CACNA1C: variants seen among roughly 807,000 people sequenced by gnomAD.
CACNA1C encodes the protein voltage-dependent L-type calcium channel subunit alpha-1C.
A neutral mutation model predicts 229.0 loss-of-function variants in CACNA1C; 30 were observed. The observed-to-expected ratio is 0.13, with a 90% CI of 0.10 to 0.18. CACNA1C has a LOEUF of 0.18. Ranked by LOEUF, CACNA1C falls within the 10% of genes least tolerant of loss-of-function variation. The pLI, the probability that CACNA1C is intolerant of heterozygous loss-of-function variation, is 1.00. For missense variants in CACNA1C, 1,658 were observed against 2,845.0 expected (o/e 0.58, Z 9.49); for synonymous variants, 1,114 against 1,132.5 (o/e 0.98, Z 0.33).
intron 3 of CACNA1C, among the ~76,000 whole-genome samples, chr12:2,187,796 C>T (rs1183480829): frequency 6.6e-6 from 1 of 152,226 alleles, no homozygotes; most frequent in African/African-American, 2.4e-5. Context: ...CTCGGTGACC[C>T]CTCCTGGTGC....
intron 30 of CACNA1C, among the ~76,000 whole-genome samples, chr12:2,643,255 G>A (rs774683076): frequency 1.3e-5 from 2 of 152,222 alleles, no homozygotes; most frequent in Admixed American, 6.5e-5. Flanking sequence ...TCCGACCTGG[G>A]GGTGGTGGCC....
In CACNA1C at chr12:2,566,747, C is replaced by T. The variant is rs958461439; in HGVS notation, c.1669+165C>T. Reference sequence around the variant, plus strand: ...CACCAAGGGCCTGGCAGTTCCAAAGCCCCACAATAAAATGCGCTACCTTGT... The same window carrying T: ...CACCAAGGGCCTGGCAGTTCCAAAGTCCCACAATAAAATGCGCTACCTTGT... On this transcript the variant is annotated intron_variant, in intron 12 of 46. Coordinates refer to ENST00000399655, the MANE Select transcript of CACNA1C (RefSeq NM_000719.7). The surrounding 1 kb of genome is among the most constrained non-coding windows in gnomAD (Gnocchi z 4.0). 6.6e-6 allele frequency among the ~76,000 whole-genome samples: 1 copy of T among 152,150 alleles called. No individual in the cohort carries two copies. Among genetic ancestry groups the T allele is most frequent in the Non-Finnish European group, 1.5e-5 (1 of 68,036 alleles).
chr12:2,577,459 A>G (rs1381242476), intron 13 of CACNA1C, among the ~76,000 whole-genome samples: 1 of 152,222 alleles, frequency 6.6e-6, no homozygotes, highest in Non-Finnish European at 1.5e-5. Context: ...ATATTGATAC[A>G]TATTAGTTTG....
intron 3 of CACNA1C, among the ~76,000 whole-genome samples, chr12:2,188,955 T>C (rs2097128366): frequency 6.6e-6 from 1 of 151,710 alleles, no homozygotes; most frequent in Admixed American, 6.6e-5. Context: ...TAGCCGGCCG[T>C]GGTGGCGGGT....
intron 3 of CACNA1C, among the ~76,000 whole-genome samples, chr12:2,349,273 T>C (rs1453747541): frequency 6.6e-6 from 1 of 152,116 alleles, no homozygotes; most frequent in Non-Finnish European, 1.5e-5. Flanking sequence ...CATGGTCCTG[T>C]GTGAGTGGAA....
At chr12:2,420,148 T>TGTGTGTGTGTG (rs58661833) in intron 3 of CACNA1C, among the ~76,000 whole-genome samples, 3 of 125,738 alleles carry the variant, frequency 2.4e-5, no homozygotes, top group African/African-American at 8.2e-5. Flanking sequence ...TGTGTGTGTG[T>TGTGTGTGTGTG]AGGGGGAGGG....
intron 3 of CACNA1C, among the ~76,000 whole-genome samples, chr12:2,135,337 C>T (rs1156989781): frequency 6.8e-6 from 1 of 146,762 alleles, no homozygotes; most frequent in Non-Finnish European, 1.5e-5. Context: ...CAGCTTTGTT[C>T]TGTTGCTGGT....
chr12:2,244,096 T>C (rs1052023104), intron 3 of CACNA1C, among the ~76,000 whole-genome samples: 1 of 152,242 alleles, frequency 6.6e-6, no homozygotes, highest in Non-Finnish European at 1.5e-5. Context: ...TTAAGCATCC[T>C]GCCCACTCTG....
chr12:2,077,866 G>A (rs1243027951), intron 1 of CACNA1C, among the ~76,000 whole-genome samples: 1 of 152,348 alleles, frequency 6.6e-6, no homozygotes, highest in Non-Finnish European at 1.5e-5. Flanking sequence ...CTCTCGGGCT[G>A]TATCAACCAC....
intron 3 of CACNA1C, among the ~76,000 whole-genome samples, chr12:2,178,464 G>T (rs1598254607): frequency 6.6e-6 from 1 of 152,180 alleles, no homozygotes; most frequent in African/African-American, 2.4e-5. Flanking sequence ...TCTGCAGAAG[G>T]CTTGCTACAG....
chr12:2,524,244 T>G (rs1362834870), intron 9 of CACNA1C, among the ~76,000 whole-genome samples: 2 of 152,150 alleles, frequency 1.3e-5, no homozygotes, highest in African/African-American at 4.8e-5. Context: ...GAGAGAGACA[T>G]GGGCACATTA....
chr12:1,989,658 A>T (rs1016941631), intron 1 of CACNA1C, among the ~76,000 whole-genome samples: 1 of 151,826 alleles, frequency 6.6e-6, no homozygotes, highest in Non-Finnish European at 1.5e-5. Context: ...GGCTGCAATA[A>T]GCCGAGATTG....
At chr12:2,618,380 A>T (rs1275048872) in intron 29 of CACNA1C, among the ~76,000 whole-genome samples, 1 of 152,204 alleles carries the variant, frequency 6.6e-6, no homozygotes, top group African/African-American at 2.4e-5. Context: ...TGGACGGCAC[A>T]CCAAAGAACA....
At chr12:2,052,953 G>A (rs891079333), upstream of CACNA1C, 3 of 978,734 alleles carry the variant, frequency 3.1e-6, no homozygotes, top group Middle Eastern at 5.2e-4. Context: ...GGCTGGGCCG[G>A]GGGGAGTGAG....
chr12:2,452,111 C>T (rs981654952), intron 4 of CACNA1C, among the ~76,000 whole-genome samples: 1 of 152,146 alleles, frequency 6.6e-6, no homozygotes, highest in Non-Finnish European at 1.5e-5. Context: ...GGGAAGGTTT[C>T]TCCTGGCCTC....
At chr12:2,185,020 C>T (rs940076994) in intron 3 of CACNA1C, among the ~76,000 whole-genome samples, 1 of 152,118 alleles carries the variant, frequency 6.6e-6, no homozygotes, top group African/African-American at 2.4e-5. Flanking sequence ...TGGAATCTTA[C>T]TCCGCGTGGC....
intron 10 of CACNA1C, among the ~76,000 whole-genome samples, chr12:2,555,653 C>T (rs2154592494): frequency 6.6e-6 from 1 of 152,364 alleles, no homozygotes; most frequent in Middle Eastern, 3.4e-3. Context: ...TGATTAAGCC[C>T]TCCAGCCCTC....
chr12:2,250,291 T>C (rs1213521880), intron 3 of CACNA1C, among the ~76,000 whole-genome samples: 1 of 152,100 alleles, frequency 6.6e-6, no homozygotes, highest in Admixed American at 6.5e-5. Context: ...CCCTGGGCCG[T>C]TCACCTCCCA....
chr12:2,072,441 C>A (rs1029924915), intron 1 of CACNA1C, among the ~76,000 whole-genome samples: 2 of 152,082 alleles, frequency 1.3e-5, no homozygotes, highest in African/African-American at 4.8e-5. Flanking sequence ...GTCAGGCAAT[C>A]CGCCCGCCTC....
Sources: allele counts gnomAD v4.1 joint callset (sites outside exome capture counted in the v4.1 genomes callset), GRCh38; gene constraint gnomAD v4.1.1; non-coding constraint Gnocchi (gnomAD v3.1); transcripts MANE v1.5; gene names NCBI Gene and HGNC (gene_info 2026-07-23, HGNC 2026-07-21).